CLVS2: variants seen among roughly 807,000 people sequenced by gnomAD.
The protein encoded by CLVS2 is clavesin 2.
A neutral mutation model predicts 29.0 loss-of-function variants in CLVS2; 19 were observed. The ratio of observed to expected loss-of-function variants is 0.66; its 90% CI spans 0.46 to 0.96. CLVS2 has a LOEUF of 0.96. Ranked by LOEUF, CLVS2 falls within the 40% of genes least tolerant of loss-of-function variation. CLVS2 has a pLI of 0.00. For missense variants in CLVS2, 294 were observed against 404.1 expected, an observed-to-expected ratio of 0.73 and a Z score of 2.34; for synonymous variants, 161 against 151.3, an observed-to-expected ratio of 1.06 and a Z score of -0.47.
intron 5 of CLVS2, among the ~76,000 whole-genome samples, chr6:123,058,738 A>T (rs1243453956): frequency 1.3e-5 from 2 of 151,990 alleles, no homozygotes; most frequent in Admixed American, 1.3e-4. Context: ...GCAGCCTCCA[A>T]CTCCCTGGAC....
intron 3 of CLVS2, among the ~76,000 whole-genome samples, chr6:123,028,629 C>G (rs886532080): frequency 1.3e-5 from 2 of 152,162 alleles, no homozygotes; most frequent in Admixed American, 1.3e-4. Context: ...CTAAATTTAG[C>G]TAAAATCTTG....
At chr6:123,057,334 CTTTTTTTT>C (rs71541220) in intron 5 of CLVS2, among the ~76,000 whole-genome samples, 1 of 83,698 alleles carries the variant, frequency 1.2e-5, no homozygotes, top group Non-Finnish European at 2.3e-5. Flanking sequence ...GGATGGTCTT[CTTTTTTTT>C]TTTTTTTTTT....
At chr6:123,025,417 T>C (rs1582651778) in intron 3 of CLVS2, among the ~76,000 whole-genome samples, 1 of 152,176 alleles carries the variant, frequency 6.6e-6, no homozygotes, top group Admixed American at 6.5e-5. Context: ...ACCAGCAGCA[T>C]CTGTGAGAGC....
chr6:123,042,151 C>T (rs950988206), intron 3 of CLVS2, among the ~76,000 whole-genome samples: 1 of 152,032 alleles, frequency 6.6e-6, no homozygotes, highest in South Asian at 2.1e-4. Context: ...AGAGAATGCT[C>T]ATCAAGTAAA....
intron 3 of CLVS2, among the ~76,000 whole-genome samples, chr6:123,031,681 A>T (rs1056657146): frequency 6.6e-6 from 1 of 152,146 alleles, no homozygotes; most frequent in Non-Finnish European, 1.5e-5. Context: ...GAGCTGGGGG[A>T]AAAAGAATAC....
At chr6:123,026,494 G>T (rs1305019961) in intron 3 of CLVS2, among the ~76,000 whole-genome samples, 1 of 152,144 alleles carries the variant, frequency 6.6e-6, no homozygotes, top group Non-Finnish European at 1.5e-5. Flanking sequence ...GAATCAGGCA[G>T]TTGCAGCTGC....
At position 123,055,967 on chromosome 6, in the gene CLVS2, C is replaced by T; in HGVS notation, c.837C>T (p.Asp279=). 1.2e-6 allele frequency: 2 copies of T among 1,614,026 alleles called. No homozygotes were observed. Among genetic ancestry groups the T allele is most frequent in the Non-Finnish European group, 1.7e-6 (2 of 1,179,962 alleles). The change falls in exon 5 of 6, where the codon GAC becomes GAT. Residue 279 remains aspartate (D), a synonymous_variant. Coordinates refer to ENST00000275162, the MANE Select transcript of CLVS2 (RefSeq NM_001010852.4). ...ACGATGACAGCGAGTACAATGTAGA[C>T]TCCTACAGCATGCCTGTGAAGGAAG... ...EYDDDSEYNV[D]SYSMPVKEVE...
intron 3 of CLVS2, among the ~76,000 whole-genome samples, chr6:123,048,356 G>A (rs1772546759): frequency 6.6e-6 from 1 of 151,908 alleles, no homozygotes; most frequent in Non-Finnish European, 1.5e-5. Context: ...CAGTTTATAG[G>A]CTTAAACTAC....
At position 123,069,807 on chromosome 6, in the gene CLVS2, A is replaced by G. The variant is rs571706571; in HGVS notation, c.*6046A>G. On this transcript the variant is annotated 3_prime_UTR_variant, in exon 6 of 6. Transcript: ENST00000275162. Reference sequence around the variant, plus strand: ...ATGGTCAAATCTCTGTTGTGAAGCAAGTTTCCACACAGAAACATCATCAAA... The same window carrying G: ...ATGGTCAAATCTCTGTTGTGAAGCAGGTTTCCACACAGAAACATCATCAAA... The G allele has an allele frequency of 6.6e-6, 1 of 151,954 alleles. No homozygotes were observed. The highest frequency in any genetic ancestry group is 1.5e-5 in the Non-Finnish European group (1 of 67,836). The allele number at this position is 151,954 out of a possible 1,614,324, so 9.4% of individuals were successfully genotyped here.
In CLVS2 at chr6:123,070,178, G is replaced by A. The variant is rs1385670597; in HGVS notation, c.*6417G>A. The A allele has an allele frequency of 1.3e-5, 2 of 151,906 alleles. No homozygotes were observed. Among genetic ancestry groups the A allele is most frequent in the African/African-American group, 4.8e-5 (2 of 41,410 alleles). The allele number at this position is 151,906 out of a possible 1,614,324, so 9.4% of individuals were successfully genotyped here. A position where few individuals can be genotyped will look rare whatever the true frequency, so the allele number is the denominator to read the frequency against. On this transcript the variant is annotated 3_prime_UTR_variant, in exon 6 of 6. Coordinates refer to ENST00000275162, the MANE Select transcript of CLVS2 (RefSeq NM_001010852.4). ...ATATAGCTAACAATTTTAATTGGAT[G>A]GCTAATGGATATGGCGGATTTAACA... is the stretch of plus-strand genomic sequence containing the variant.
chr6:123,056,001 G>A lies in CLVS2; in HGVS notation c.871G>A (p.Glu291Lys). The A allele has an allele frequency of 6.2e-7, 1 of 1,613,430 alleles. No homozygotes were observed. The highest frequency in any genetic ancestry group is 1.7e-4 in the Middle Eastern group (1 of 6,060). ...CATGCCTGTGAAGGAAGTAGAGAAG[G>A]AACTCTCCCCAAAGTCCATGAAGAG... The part of the protein sequence containing the change: ...YSMPVKEVEK[E>K]LSPKSMKRSQ... Residue 291 changes from glutamate (E) to lysine (K), a missense_variant, in exon 5 of 6, where the codon GAA becomes AAA. This residue lies in a region of CLVS2 where 82 missense variants were observed against 67.8 expected (regional missense o/e 1.21). Transcript: ENST00000275162.
intron 3 of CLVS2, among the ~76,000 whole-genome samples, chr6:123,039,013 G>A (rs570377355): frequency 1.3e-5 from 2 of 152,106 alleles, no homozygotes; most frequent in Non-Finnish European, 2.9e-5. Context: ...GACAGTTCCT[G>A]TCTTGCCAAA....
chr6:123,050,919 A>G (rs1199137025), intron 4 of CLVS2, among the ~76,000 whole-genome samples: 2 of 152,222 alleles, frequency 1.3e-5, no homozygotes, highest in Non-Finnish European at 2.9e-5. Context: ...TTGACAACCT[A>G]GAAGCATGCA....
intron 3 of CLVS2, among the ~76,000 whole-genome samples, chr6:123,041,968 CT>C (rs1053468977): frequency 6.6e-6 from 1 of 151,978 alleles, no homozygotes; most frequent in Non-Finnish European, 1.5e-5. Context: ...ATTGAATATT[CT>C]AAAAAAAGTT....
In CLVS2 at chr6:122,997,742, G is replaced by A. The variant is rs368823918; in HGVS notation, c.-36G>A. 6.3e-6 allele frequency: 10 copies of A among 1,598,802 alleles called. No individual in the cohort carries two copies. The African/African-American group carries it at 9.4e-5, about 15-fold the overall frequency. ...AGGTTTGCTTTGGGACAGTCAACAA[G>A]GTCTTCTGAGGGAAAGCTCAGAGAT... On this transcript the variant is annotated 5_prime_UTR_variant, in exon 2 of 6. Transcript: ENST00000275162.
Position 123,066,555 on chromosome 6 carries a change from A to G in CLVS2, c.*2794A>G, listed in dbSNP as rs546438990. On this transcript the variant is annotated 3_prime_UTR_variant, in exon 6 of 6. Transcript: ENST00000275162. ...TTTCACCCTGCCTGTTCCATCTTCT[A>G]TTTCTGATATTTTTTCTTTCTTCCA... 6.6e-6 allele frequency: 1 copy of G among 151,858 alleles called. No individual in the cohort carries two copies. Among genetic ancestry groups the G allele is most frequent in the South Asian group, 2.1e-4 (1 of 4,824 alleles). The allele number at this position is 151,858 out of a possible 1,614,324, so 9.4% of individuals were successfully genotyped here.
At chr6:123,008,841 G>A (rs1163167639) in intron 2 of CLVS2, among the ~76,000 whole-genome samples, 1 of 151,858 alleles carries the variant, frequency 6.6e-6, no homozygotes, top group Non-Finnish European at 1.5e-5. Context: ...ACTTTTAAAG[G>A]TGTTCACCCA....
At chr6:123,037,080 G>A (rs1775164717) in intron 3 of CLVS2, among the ~76,000 whole-genome samples, 1 of 151,670 alleles carries the variant, frequency 6.6e-6, no homozygotes, top group Non-Finnish European at 1.5e-5. Flanking sequence ...TTTTTTCTGT[G>A]TTTTTGCTTT....
Position 123,070,767 on chromosome 6 carries a change from G to C in CLVS2, c.*7006G>C, listed in dbSNP as rs188244886. The C allele has an allele frequency of 6.6e-4, 101 of 152,018 alleles. No individual in the cohort carries two copies. Among genetic ancestry groups the C allele is most frequent in the African/African-American group, 2.0e-3 (83 of 41,506 alleles). 9.4% of individuals were successfully genotyped at this position (152,018 alleles called of 1,614,324 possible). ...TCTACCCCGTTCTTGCCTTTTCTTA[G>C]ATAATCTCTTAAGAATCTCTCCTTT... On this transcript the variant is annotated 3_prime_UTR_variant, in exon 6 of 6. Transcript: ENST00000275162.
Sources: gnomAD v4.1 joint callset for allele counts (sites outside exome capture counted in the v4.1 genomes callset) on GRCh38, gnomAD v4.1.1 for gene constraint, gnomAD v4.1.1 regional missense constraint, MANE v1.5 for transcripts, NCBI Gene and HGNC (gene_info 2026-07-23, HGNC 2026-07-21) for gene names.